Variants in PHF21A observed in about 807,000 individuals in gnomAD.
PHF21A encodes the protein PHD finger protein 21A.
PHF21A carries 11 observed loss-of-function variants against 82.5 expected under a neutral mutation model. The ratio of observed to expected loss-of-function variants is 0.13; its 90% CI spans 0.08 to 0.22. PHF21A has a LOEUF of 0.22. Ranked by LOEUF, PHF21A falls within the 10% of genes least tolerant of loss-of-function variation. The probability of loss-of-function intolerance (pLI) is 1.00; values close to 1 mark genes in which losing one functional copy is unlikely to be tolerated. For missense variants in PHF21A, 579 were observed against 837.8 expected (o/e 0.69, Z 3.81); for synonymous variants, 297 against 302.8 (o/e 0.98, Z 0.20).
At position 45,943,191 on chromosome 11, in the gene PHF21A, T is replaced by A. The variant is rs1473368581; in HGVS notation, c.1452+2649A>T. On this transcript the variant is annotated intron_variant, in intron 15 of 18. Coordinates refer to ENST00000676320, the MANE Select transcript of PHF21A (RefSeq NM_001352027.3). ...AGGCCGGAGTGCAGTGGCGCAATCATGGCTCACTGCAGCCTCAGCCTCCCA... is the reference window on the plus strand; with the variant it reads ...AGGCCGGAGTGCAGTGGCGCAATCAAGGCTCACTGCAGCCTCAGCCTCCCA... Among the ~76,000 whole-genome samples, 3 of 143,704 alleles carry A rather than the reference T, an allele frequency of 2.1e-5. No homozygotes were observed. In the East Asian group the frequency reaches 6.5e-4, roughly 31 times the overall value. The allele number at this position is 143,704 out of a possible 152,430, so 94.3% of individuals were successfully genotyped here. A position where few individuals can be genotyped will look rare whatever the true frequency, so the allele number is the denominator to read the frequency against.
At chr11:45,949,029 C>A in intron 13 of PHF21A, 83 bp from the exon 14 acceptor site, 3 of 1,060,194 alleles carry the variant, frequency 2.8e-6, no homozygotes, top group Non-Finnish European at 4.4e-6. Flanking sequence ...CCAAGCATGG[C>A]ATGACTGTCA....
In PHF21A at chr11:45,978,349, A is replaced by G. The variant is rs550961345; in HGVS notation, c.360+1411T>C. 6.6e-5 allele frequency among the ~76,000 whole-genome samples: 3 copies of G among 45,422 alleles called. No homozygotes were observed. The East Asian group carries it at 9.0e-4, about 14-fold the overall frequency. The allele number at this position is 45,422 out of a possible 152,430, so 29.8% of individuals were successfully genotyped here. A position where few individuals can be genotyped will look rare whatever the true frequency, so the allele number is the denominator to read the frequency against. ...AACAAACAAAAAAACAGAGATGGTAATAATAATAACTTCCTCTTAGGATTA... is the reference window on the plus strand; with the variant it reads ...AACAAACAAAAAAACAGAGATGGTAGTAATAATAACTTCCTCTTAGGATTA... On this transcript the variant is annotated intron_variant, in intron 7 of 18. Coordinates refer to ENST00000676320, the MANE Select transcript of PHF21A (RefSeq NM_001352027.3).
intron 16 of PHF21A, among the ~76,000 whole-genome samples, chr11:45,937,552 C>T (rs567417248): frequency 6.6e-6 from 1 of 152,340 alleles, no homozygotes; most frequent in African/African-American, 2.4e-5. Flanking sequence ...GTGACCTCCG[C>T]TCACTGCAGC....
intron 6 of PHF21A, chr11:46,049,556 G>C: frequency 2.2e-6 from 1 of 452,288 alleles, no homozygotes; most frequent in African/African-American, 2.0e-5. Flanking sequence ...GGCGGGGGAA[G>C]GAGGGATAGA....
chr11:46,058,734 T>C (rs547358876), intron 6 of PHF21A, among the ~76,000 whole-genome samples: 2 of 152,290 alleles, frequency 1.3e-5, no homozygotes, highest in African/African-American at 2.4e-5. Context: ...ATGTCTGTAC[T>C]AGTAATATGG....
At chr11:46,068,221 T>C (rs555403272) in intron 6 of PHF21A, among the ~76,000 whole-genome samples, 7 of 152,244 alleles carry the variant, frequency 4.6e-5, no homozygotes, top group African/African-American at 1.4e-4. Flanking sequence ...CTCTGCATCC[T>C]CCATGGGCCT....
intron 1 of PHF21A, among the ~76,000 whole-genome samples, chr11:46,096,024 T>C (rs1453702834): frequency 2.0e-5 from 3 of 152,204 alleles, no homozygotes; most frequent in Non-Finnish European, 4.4e-5. Context: ...GCTTTTTATC[T>C]ACCCTTCCTA....
intron 6 of PHF21A, among the ~76,000 whole-genome samples, chr11:45,988,607 G>C (rs976567212): frequency 1.3e-5 from 2 of 152,158 alleles, no homozygotes; most frequent in African/African-American, 4.8e-5. Flanking sequence ...AAAGCTGCTA[G>C]GCCAGGCGTG....
chr11:45,979,538 A>G (rs2094189721), intron 7 of PHF21A, among the ~76,000 whole-genome samples: 1 of 152,236 alleles, frequency 6.6e-6, no homozygotes, highest in South Asian at 2.1e-4. Context: ...TTCTTCAGAC[A>G]GGTGGGAAAT....
chr11:46,023,864 G>C (rs2095682855), intron 6 of PHF21A, among the ~76,000 whole-genome samples: 1 of 152,190 alleles, frequency 6.6e-6, no homozygotes, highest in Non-Finnish European at 1.5e-5. Context: ...GCTAAGGCAG[G>C]AAAATTGCTT....
intron 2 of PHF21A, among the ~76,000 whole-genome samples, chr11:46,090,896 C>G (rs2096916636): frequency 6.6e-6 from 1 of 152,022 alleles, no homozygotes; most frequent in Non-Finnish European, 1.5e-5. Flanking sequence ...TGCTCAAGTT[C>G]ATTGCCAAAG....
chr11:46,031,116 A>G (rs2095859710), intron 6 of PHF21A, among the ~76,000 whole-genome samples: 1 of 152,162 alleles, frequency 6.6e-6, no homozygotes. Context: ...TTAGCCACCC[A>G]AGCTCAAAGC....
At chr11:45,984,823 G>A (rs1488357962) in intron 6 of PHF21A, among the ~76,000 whole-genome samples, 3 of 152,302 alleles carry the variant, frequency 2.0e-5, no homozygotes, top group African/African-American at 7.2e-5. Flanking sequence ...CCACTGGTTT[G>A]TGCTCTACAT....
At chr11:46,109,633 A>ATG (rs1172273827) in intron 1 of PHF21A, among the ~76,000 whole-genome samples, 2 of 152,206 alleles carry the variant, frequency 1.3e-5, no homozygotes, top group African/African-American at 2.4e-5. Flanking sequence ...AAATGTACCA[A>ATG]TGTGTATACT....
chr11:45,936,716 T>C, intron 16 of PHF21A, 147 bp from the exon 17 acceptor site: 1 of 621,284 alleles, frequency 1.6e-6, no homozygotes, highest in Non-Finnish European at 2.8e-6. Flanking sequence ...TGGTCTATAG[T>C]TTCTGGACTA....
intron 10 of PHF21A, 112 bp downstream of exon 10, chr11:45,965,203 C>CA: frequency 1.2e-6 from 1 of 837,530 alleles, no homozygotes; most frequent in Non-Finnish European, 1.9e-6. Flanking sequence ...AGCTTACTGA[C>CA]AATGGTGGTG....
chr11:45,950,633 C>T (rs2091979044), intron 11 of PHF21A, among the ~76,000 whole-genome samples: 1 of 152,106 alleles, frequency 6.6e-6, no homozygotes, highest in Admixed American at 6.5e-5. Flanking sequence ...AGAAAGTTTG[C>T]TCTAGAGGCT....
At chr11:46,025,401 C>G (rs967311037) in intron 6 of PHF21A, among the ~76,000 whole-genome samples, 1 of 152,138 alleles carries the variant, frequency 6.6e-6, no homozygotes, top group East Asian at 1.9e-4. Flanking sequence ...AAGTAGATAT[C>G]CCCTTTCTTC....
At chr11:45,973,998 A>G (rs2093902474) in intron 7 of PHF21A, among the ~76,000 whole-genome samples, 1 of 152,244 alleles carries the variant, frequency 6.6e-6, no homozygotes, top group Non-Finnish European at 1.5e-5. Context: ...CCTGAATTAT[A>G]TACTTACCAT....
Sources: allele counts gnomAD v4.1 joint callset (sites outside exome capture counted in the v4.1 genomes callset), GRCh38; gene constraint gnomAD v4.1.1; transcripts MANE v1.5; gene names NCBI Gene and HGNC (gene_info 2026-07-23, HGNC 2026-07-21).